PARD3B: variants seen among roughly 807,000 people sequenced by gnomAD.
The protein encoded by PARD3B is partitioning defective 3 homolog B.
A neutral mutation model predicts 130.2 loss-of-function variants in PARD3B; 103 were observed. The ratio of observed to expected loss-of-function variants is 0.79; its 90% confidence interval spans 0.67 to 0.93. PARD3B has a LOEUF of 0.93. PARD3B is among the 40% of genes least tolerant of loss of function. The probability of loss-of-function intolerance (pLI) is 0.00; values close to 1 mark genes in which losing one functional copy is unlikely to be tolerated. For missense variants in PARD3B, 1,609 were observed against 1,499.2 expected (o/e 1.07, Z -1.21); for synonymous variants, 583 against 553.2 (o/e 1.05, Z -0.76).
chr2:204,816,507 G>A (rs982585638), intron 2 of PARD3B, among the ~76,000 whole-genome samples: 6 of 151,676 alleles, frequency 4.0e-5, no homozygotes, highest in Non-Finnish European at 8.8e-5. Flanking sequence ...AAACTTTTGG[G>A]TTGGATATAG....
At position 205,187,372 on chromosome 2, in the gene PARD3B, T is replaced by C. The variant is rs1429949559; in HGVS notation, c.2024+1509T>C. On this transcript the variant is annotated intron_variant, in intron 14 of 22. Transcript: ENST00000406610. This position sits in a 1 kb window ranked among gnomAD's most constrained non-coding sequence, Gnocchi z 4.9. The stretch of plus-strand genomic sequence containing the variant: ...AGGTATGCAGACTTCATTTGGTAGA[T>C]AGTCAATCTTATTGCAGGGTTTTCG... Among the ~76,000 whole-genome samples the C allele has an allele frequency of 6.6e-6, 1 of 152,170 alleles. No homozygotes were observed.
At position 205,446,265 on chromosome 2, in the gene PARD3B, G is replaced by A. The variant is rs948061821; in HGVS notation, c.3044+5593G>A. Among the ~76,000 whole-genome samples, 2 of 152,154 alleles carry A rather than the reference G, an allele frequency of 1.3e-5. No homozygotes were observed. Among genetic ancestry groups the A allele is most frequent in the Non-Finnish European group, 1.5e-5 (1 of 68,020 alleles). ...TGACGAAGAGTTTGGACTCTATCCT[G>A]AGGGAGGTGGGGCAGGGTTTGGGTT... On this transcript the variant is annotated intron_variant, in intron 20 of 22. Coordinates refer to ENST00000406610, the MANE Select transcript of PARD3B (RefSeq NM_001302769.2). This position sits in a 1 kb window ranked among gnomAD's most constrained non-coding sequence, Gnocchi z 4.4.
chr2:204,883,419 T>TATATATATATAAAATATATATATATATA (rs1559226293), intron 2 of PARD3B, among the ~76,000 whole-genome samples: 4 of 105,698 alleles, frequency 3.8e-5, no homozygotes, highest in African/African-American at 1.8e-4. Context: ...ATATATATAA[T>TATATATATATAAAATATATATATATATA]ATATATATAT....
At chr2:204,666,090 A>G (rs2036010369) in intron 1 of PARD3B, among the ~76,000 whole-genome samples, 1 of 152,190 alleles carries the variant, frequency 6.6e-6, no homozygotes, top group Non-Finnish European at 1.5e-5. Context: ...TGTGGAGCCC[A>G]GGCAATCTTT....
At chr2:205,508,837 T>C (rs1559160221) in intron 21 of PARD3B, among the ~76,000 whole-genome samples, 1 of 152,198 alleles carries the variant, frequency 6.6e-6, no homozygotes, top group Non-Finnish European at 1.5e-5. Context: ...TGAAGTTTTA[T>C]TGAACTTGAT....
At chr2:204,837,012 C>T (rs189574329) in intron 2 of PARD3B, among the ~76,000 whole-genome samples, 31 of 152,258 alleles carry the variant, frequency 2.0e-4, no homozygotes, top group African/African-American at 7.5e-4. Flanking sequence ...CAGTATCCCT[C>T]CTGTTTTTAA....
chr2:204,890,824 C>G lies in PARD3B; in HGVS notation c.223-74328C>G, dbSNP rs1224135930. Among the ~76,000 whole-genome samples, 1 of 152,192 alleles carries G rather than the reference C, an allele frequency of 6.6e-6. No homozygotes were observed. Among genetic ancestry groups the G allele is most frequent in the South Asian group, 2.1e-4 (1 of 4,834 alleles). The stretch of plus-strand genomic sequence containing the variant: ...ATAGCACGTTTCACTGCAGCTACTA[C>G]AGCATCTTTGCTGTCTGGAGGGTAT... On this transcript the variant is annotated intron_variant, in intron 2 of 22. Transcript: ENST00000406610. The surrounding 1 kb of genome is among the most constrained non-coding windows in gnomAD (Gnocchi z 4.9).
intron 3 of PARD3B, 46 bp from the exon 4 acceptor site, chr2:205,047,535 C>T (rs1256715360): frequency 3.9e-6 from 5 of 1,291,506 alleles, no homozygotes; most frequent in Non-Finnish European, 5.5e-6. Context: ...GCACTCTCTT[C>T]ACCCCAGGGT....
At chr2:204,712,418 C>T (rs1420339577) in intron 2 of PARD3B, among the ~76,000 whole-genome samples, 1 of 151,884 alleles carries the variant, frequency 6.6e-6, no homozygotes, top group Non-Finnish European at 1.5e-5. Context: ...TGAGACCAGC[C>T]TGGCCAGTAT....
chr2:204,585,499 C>CTTT (rs11323444), intron 1 of PARD3B, among the ~76,000 whole-genome samples: 82 of 136,834 alleles, frequency 6.0e-4, no homozygotes, highest in African/African-American at 2.0e-3. Context: ...ATGCCTGGCT[C>CTTT]TTTTTTTTTT....
At chr2:205,423,317 C>G (rs2047036691) in intron 19 of PARD3B, among the ~76,000 whole-genome samples, 1 of 152,218 alleles carries the variant, frequency 6.6e-6, no homozygotes, top group South Asian at 2.1e-4. Context: ...AAGACCCTAT[C>G]ACTATCCTTT....
intron 3 of PARD3B, among the ~76,000 whole-genome samples, chr2:204,995,556 G>A (rs563149897): frequency 6.1e-4 from 78 of 128,092 alleles, no homozygotes; most frequent in Non-Finnish European, 9.8e-4. Context: ...ACAATTATGT[G>A]TCTTGGAGTT....
intron 1 of PARD3B, among the ~76,000 whole-genome samples, chr2:204,583,885 T>C (rs368781385): frequency 6.6e-6 from 1 of 152,260 alleles, no homozygotes; most frequent in East Asian, 1.9e-4. Context: ...CAGATCTTGG[T>C]GCACACATTT....
intron 2 of PARD3B, among the ~76,000 whole-genome samples, chr2:204,845,736 T>C (rs939036730): frequency 1.3e-5 from 2 of 152,112 alleles, no homozygotes; most frequent in South Asian, 2.1e-4. Flanking sequence ...TTTTATTTCA[T>C]GTAAAACTAT....
At chr2:205,140,950 A>G (rs189354602) in intron 10 of PARD3B, among the ~76,000 whole-genome samples, 137 of 152,280 alleles carry the variant, frequency 9.0e-4, no homozygotes, top group Non-Finnish European at 1.6e-3. Context: ...CTGCCTTTAT[A>G]AATCATACAT....
chr2:205,054,529 T>C (rs1394135037), intron 4 of PARD3B, among the ~76,000 whole-genome samples: 3 of 147,748 alleles, frequency 2.0e-5, no homozygotes, highest in Non-Finnish European at 4.5e-5. Flanking sequence ...ATGTGCCATG[T>C]TGGTTTGCTG....
chr2:205,110,317 T>C (rs1481503387), intron 5 of PARD3B, among the ~76,000 whole-genome samples: 5 of 152,208 alleles, frequency 3.3e-5, no homozygotes, highest in Non-Finnish European at 7.3e-5. Context: ...AAATGAAGCC[T>C]TTCACTTCTA....
intron 20 of PARD3B, among the ~76,000 whole-genome samples, chr2:205,479,811 C>T (rs555862483): frequency 2.0e-5 from 3 of 152,272 alleles, no homozygotes; most frequent in African/African-American, 7.2e-5. Context: ...TCCTGTAAAG[C>T]CCATATGATC....
At position 204,754,818 on chromosome 2, in the gene PARD3B, A is replaced by G. The variant is rs552404973; in HGVS notation, c.222+68536A>G. On this transcript the variant is annotated intron_variant, in intron 2 of 22. Transcript: ENST00000406610. Reference sequence around the variant, plus strand: ...GAGGCCAAATAAGCTTCAAAGGAAGATGTAAAATGTGCAATTTAATCTATG... The same window carrying G: ...GAGGCCAAATAAGCTTCAAAGGAAGGTGTAAAATGTGCAATTTAATCTATG... 5.9e-5 allele frequency among the ~76,000 whole-genome samples: 9 copies of G among 152,276 alleles called. No homozygotes were observed. The South Asian group carries it at 1.7e-3, about 28-fold the overall frequency.
Sources: gnomAD v4.1 joint callset for allele counts (sites outside exome capture counted in the v4.1 genomes callset) on GRCh38, gnomAD v4.1.1 for gene constraint, Gnocchi (gnomAD v3.1) non-coding constraint, MANE v1.5 for transcripts, NCBI Gene and HGNC (gene_info 2026-07-23, HGNC 2026-07-21) for gene names.